Variants in ATP13A4 observed in about 807,000 individuals in gnomAD.
ATP13A4 encodes ATPase 13A4, also known as probable cation-transporting ATPase 13A4.
A neutral mutation model predicts 142.5 loss-of-function variants in ATP13A4; 114 were observed. The ratio of observed to expected loss-of-function variants is 0.80; its 90% CI spans 0.69 to 0.93. ATP13A4 has a LOEUF of 0.93. ATP13A4 is among the 40% of genes least tolerant of loss of function. The pLI, the probability that ATP13A4 is intolerant of heterozygous loss-of-function variation, is 0.00. For synonymous variants in ATP13A4, 488 were observed against 514.8 expected (o/e 0.95, Z 0.70); for missense variants, 1,392 against 1,454.0 (o/e 0.96, Z 0.69).
chr3:193,438,734 A>G (rs939072317), intron 22 of ATP13A4, 150 bp from the exon 23 acceptor site: 145 of 766,146 alleles, frequency 1.9e-4, no homozygotes, highest in South Asian at 7.6e-5. Flanking sequence ...AACATGAGAA[A>G]AAGATGGCAT....
chr3:193,540,251 A>C (rs557987554), intron 1 of ATP13A4, among the ~76,000 whole-genome samples: 50 of 152,156 alleles, frequency 3.3e-4, no homozygotes, highest in Admixed American at 1.9e-3. Flanking sequence ...GATCCTTTAA[A>C]TGAACATACT....
At position 193,414,666 on chromosome 3, in the gene ATP13A4, A is replaced by ATGTG. The variant is rs1283914300; in HGVS notation, c.2926_2927insCACA (p.Ile976ThrfsTer38). 1 of 1,614,196 alleles carries ATGTG rather than the reference A, an allele frequency of 6.2e-7. No homozygotes were observed. Among genetic ancestry groups the ATGTG allele is most frequent in the South Asian group, 1.1e-5 (1 of 91,074 alleles). ...GGCCAGGCTGAGAAGAATGTTGAAA[A>ATGTG]TCACAGAGAGTAGCAGAGGTGGAGA... is the stretch of plus-strand genomic sequence containing the variant. On this transcript the variant is annotated frameshift_variant, in exon 26 of 30. Coordinates refer to ENST00000342695, the MANE Select transcript of ATP13A4 (RefSeq NM_032279.4). LOFTEE classifies it high-confidence loss of function.
At chr3:193,404,010 C>T in intron 29 of ATP13A4, 1 of 985,384 alleles carries the variant, frequency 1.0e-6, no homozygotes. Flanking sequence ...TGCATTATTC[C>T]TGTGATAACT....
chr3:193,515,318 A>G (rs1310607552), intron 1 of ATP13A4, among the ~76,000 whole-genome samples: 1 of 152,234 alleles, frequency 6.6e-6, no homozygotes, highest in Non-Finnish European at 1.5e-5. Flanking sequence ...ATTCCAATCC[A>G]GGTCTGTCAG....
chr3:193,467,970 G>A (rs1054441228), intron 9 of ATP13A4, among the ~76,000 whole-genome samples: 1 of 152,148 alleles, frequency 6.6e-6, no homozygotes, highest in Non-Finnish European at 1.5e-5. Flanking sequence ...CCTGAGGTCA[G>A]GAGTTCGAGA....
chr3:193,433,214 G>C (rs565064779), intron 25 of ATP13A4, among the ~76,000 whole-genome samples: 8 of 152,310 alleles, frequency 5.3e-5, no homozygotes, highest in Admixed American at 4.6e-4. Context: ...ACCACTTTGT[G>C]AGGAACGCTG....
intron 8 of ATP13A4, among the ~76,000 whole-genome samples, chr3:193,475,031 GA>G (rs1400144918): frequency 6.6e-6 from 1 of 152,110 alleles, no homozygotes; most frequent in Non-Finnish European, 1.5e-5. Context: ...ATCAGTCACT[GA>G]CACATTTCTG....
chr3:193,434,854 A>C (rs182987822), intron 24 of ATP13A4, among the ~76,000 whole-genome samples: 101 of 152,326 alleles, frequency 6.6e-4, no homozygotes, highest in Non-Finnish European at 1.3e-3. Flanking sequence ...ATGATATGCC[A>C]GTTTTCACAT....
At chr3:193,474,344 A>AAAAAAAC (rs1560213836) in intron 8 of ATP13A4, among the ~76,000 whole-genome samples, 4 of 101,806 alleles carry the variant, frequency 3.9e-5, no homozygotes, top group African/African-American at 8.2e-5. Context: ...AAAAAAAAAA[A>AAAAAAAC]AAACAAACAA....
At chr3:193,532,474 G>A (rs1560263222) in intron 1 of ATP13A4, among the ~76,000 whole-genome samples, 1 of 150,328 alleles carries the variant, frequency 6.7e-6, no homozygotes, top group Non-Finnish European at 1.5e-5. Flanking sequence ...GAATAAGGCT[G>A]AAGGGAAAGC....
intron 18 of ATP13A4, among the ~76,000 whole-genome samples, chr3:193,446,546 C>A (rs545109171): frequency 6.6e-6 from 1 of 152,258 alleles, no homozygotes; most frequent in Non-Finnish European, 1.5e-5. Flanking sequence ...GTTATTGTCA[C>A]AAGGGGTTGC....
intron 16 of ATP13A4, among the ~76,000 whole-genome samples, chr3:193,456,210 C>A (rs1717600993): frequency 6.6e-6 from 1 of 152,122 alleles, no homozygotes; most frequent in Non-Finnish European, 1.5e-5. Context: ...AAAAAACTCA[C>A]AAGTTCTGCT....
At chr3:193,436,513 T>A (rs1383110758) in intron 23 of ATP13A4, among the ~76,000 whole-genome samples, 1 of 152,074 alleles carries the variant, frequency 6.6e-6, no homozygotes, top group Non-Finnish European at 1.5e-5. Flanking sequence ...AGTGGCATGA[T>A]GTCAGCTCAC....
At chr3:193,442,285 G>T in intron 19 of ATP13A4, 108 bp downstream of exon 19, 1 of 1,196,726 alleles carries the variant, frequency 8.4e-7, no homozygotes, top group Non-Finnish European at 1.2e-6. Context: ...TCAAAAGCAT[G>T]AATGCTAGAC....
intron 2 of ATP13A4, among the ~76,000 whole-genome samples, chr3:193,512,393 C>A (rs956547358): frequency 3.9e-5 from 6 of 152,128 alleles, no homozygotes; most frequent in Admixed American, 3.3e-4. Flanking sequence ...CCACTCATAG[C>A]ACTTTACTAA....
intron 2 of ATP13A4, among the ~76,000 whole-genome samples, chr3:193,510,140 CG>C (rs1721067262): frequency 6.6e-6 from 1 of 151,920 alleles, no homozygotes; most frequent in Admixed American, 6.6e-5. Flanking sequence ...AGAGGAGGAG[CG>C]GGGAGGAGAG....
At chr3:193,500,863 G>A (rs1256786460) in intron 3 of ATP13A4, among the ~76,000 whole-genome samples, 1 of 152,216 alleles carries the variant, frequency 6.6e-6, no homozygotes, top group Admixed American at 6.5e-5. Context: ...TACTAGCATA[G>A]CTCATTGAAG....
intron 8 of ATP13A4, among the ~76,000 whole-genome samples, chr3:193,471,731 G>A (rs1245051157): frequency 6.6e-6 from 1 of 152,058 alleles, no homozygotes; most frequent in Non-Finnish European, 1.5e-5. Flanking sequence ...TGTCTGCAAA[G>A]CTGTTCATTC....
intron 8 of ATP13A4, among the ~76,000 whole-genome samples, chr3:193,481,399 AG>A (rs1719285606): frequency 6.6e-6 from 1 of 152,230 alleles, no homozygotes. Flanking sequence ...GATACCAAAA[AG>A]GGTTATAATA....
Sources: allele counts gnomAD v4.1 joint callset (sites outside exome capture counted in the v4.1 genomes callset), GRCh38; gene constraint gnomAD v4.1.1; transcripts MANE v1.5; gene names NCBI Gene and HGNC (gene_info 2026-07-23, HGNC 2026-07-21).